The following PELI2 variants were observed in gnomAD, a reference collection of about 807,000 sequenced individuals.
PELI2 encodes the protein E3 ubiquitin-protein ligase pellino homolog 2.
In PELI2, 23 loss-of-function variants were observed where a neutral mutation model predicts 42.3. The observed-to-expected ratio is 0.54, with a 90% CI of 0.39 to 0.77. The LOEUF (loss-of-function observed/expected upper bound fraction) is 0.77, where lower values mean the gene tolerates loss of function less well. Among genes scored for constraint, PELI2 ranks in the 30% least tolerant of loss-of-function variants. The pLI, the probability that PELI2 is intolerant of heterozygous loss-of-function variation, is 0.00. For missense variants in PELI2, 463 were observed against 553.2 expected (o/e 0.84, Z 1.64); for synonymous variants, 245 against 212.2 (o/e 1.15, Z -1.34).
chr14:56,169,417 C>T (rs11628589), intron 1 of PELI2, among the ~76,000 whole-genome samples: 352 of 152,312 alleles, frequency 2.3e-3, no homozygotes, highest in Middle Eastern at 0.01. Flanking sequence ...AATGCTCCCT[C>T]CGTGGTTGGG....
chr14:56,184,518 AT>A (rs1885699448), intron 2 of PELI2, among the ~76,000 whole-genome samples: 1 of 152,066 alleles, frequency 6.6e-6, no homozygotes, highest in African/African-American at 2.4e-5. Context: ...AACTTGGCTA[AT>A]TGTTGTTTTC....
intron 1 of PELI2, among the ~76,000 whole-genome samples, chr14:56,158,862 A>G (rs957413788): frequency 6.6e-6 from 1 of 152,232 alleles, no homozygotes; most frequent in African/African-American, 2.4e-5. Context: ...TTTATTGGAA[A>G]GAAAAATAAA....
chr14:56,119,682 A>C, intron 1 of PELI2: 1 of 752,822 alleles, frequency 1.3e-6, no homozygotes, highest in Non-Finnish European at 1.6e-6. Context: ...AAAACTGGAT[A>C]TAGTGGGCAG....
At chr14:56,212,780 GGC>G (rs1168996345) in intron 2 of PELI2, among the ~76,000 whole-genome samples, 2 of 152,148 alleles carry the variant, frequency 1.3e-5, no homozygotes, top group Non-Finnish European at 2.9e-5. Flanking sequence ...CTGGAGGCTG[GGC>G]CAGGACAGGG....
rs548425433 is a variant in PELI2, at chr14:56,149,615, T to A, written c.78-28720T>A. ...CCTTTTACTTTTTTTTTTTCTTTTT[T>A]AAAACTACATCACAGTGTGAAATCT... is the stretch of plus-strand genomic sequence containing the variant. On this transcript the variant is annotated intron_variant, in intron 1 of 5. Coordinates refer to ENST00000267460, the MANE Select transcript of PELI2 (RefSeq NM_021255.3). 2.6e-5 allele frequency among the ~76,000 whole-genome samples: 4 copies of A among 152,274 alleles called. No individual in the cohort carries two copies. In the East Asian group the frequency reaches 5.8e-4, roughly 22 times the overall value.
intron 2 of PELI2, among the ~76,000 whole-genome samples, chr14:56,260,745 A>G (rs1415180715): frequency 1.3e-5 from 2 of 152,112 alleles, no homozygotes; most frequent in African/African-American, 4.8e-5. Flanking sequence ...AAGCGAACAC[A>G]CTCTTTTTCT....
chr14:56,181,601 C>T (rs1183329129), intron 2 of PELI2, among the ~76,000 whole-genome samples: 1 of 152,096 alleles, frequency 6.6e-6, no homozygotes, highest in Non-Finnish European at 1.5e-5. Context: ...CTTCCCTCCA[C>T]CACAACAATC....
rs896023291 is a variant in PELI2 at position 56,124,868 on chromosome 14, A to G, written c.77+6131A>G. On this transcript the variant is annotated intron_variant, in intron 1 of 5. Coordinates refer to ENST00000267460, the MANE Select transcript of PELI2 (RefSeq NM_021255.3). ...TTTGAGGAACAGAGAAACACTCTTT[A>G]TGGCTAGGAAAGAATGATTGAATGA... 1.8e-4 allele frequency among the ~76,000 whole-genome samples: 28 copies of G among 152,210 alleles called. 1 individual carries two copies. Among genetic ancestry groups the G allele is most frequent in the Non-Finnish European group, 3.7e-4 (25 of 68,030 alleles).
At chr14:56,247,475 A>G (rs766926820) in intron 2 of PELI2, among the ~76,000 whole-genome samples, 1 of 152,192 alleles carries the variant, frequency 6.6e-6, no homozygotes, top group Admixed American at 6.5e-5. Flanking sequence ...GAACCTACAC[A>G]TATAAATGTA....
intron 1 of PELI2, among the ~76,000 whole-genome samples, chr14:56,155,644 C>A (rs564658203): frequency 6.0e-5 from 9 of 150,514 alleles, no homozygotes; most frequent in Non-Finnish European, 2.9e-5. Flanking sequence ...TGCAGTGGCG[C>A]GATCTCGGCT....
At chr14:56,253,352 G>A (rs80115656) in intron 2 of PELI2, among the ~76,000 whole-genome samples, 2 of 152,136 alleles carry the variant, frequency 1.3e-5, no homozygotes, top group Non-Finnish European at 2.9e-5. Context: ...TCTGTCCAGG[G>A]CAATCAGGCA....
At chr14:56,217,169 G>A (rs1479745) in intron 2 of PELI2, among the ~76,000 whole-genome samples, 60,832 of 152,002 alleles carry the variant, frequency 0.4, 13,024 homozygotes, top group South Asian at 0.53. Flanking sequence ...AGGCCAAAAT[G>A]TTAGCTGTGT....
chr14:56,148,516 T>G (rs1351712278), intron 1 of PELI2, among the ~76,000 whole-genome samples: 3 of 152,210 alleles, frequency 2.0e-5, no homozygotes, highest in African/African-American at 7.2e-5. Context: ...TGCTCTTGCT[T>G]CCAGGCCTTT....
chr14:56,284,686 A>G (rs953500243), intron 3 of PELI2, among the ~76,000 whole-genome samples: 1 of 152,322 alleles, frequency 6.6e-6, no homozygotes, highest in East Asian at 1.9e-4. Context: ...ACCATTGTAC[A>G]TGAGCATGCA....
chr14:56,266,738 C>T (rs1183721078), intron 2 of PELI2, among the ~76,000 whole-genome samples: 1 of 151,986 alleles, frequency 6.6e-6, no homozygotes, highest in Non-Finnish European at 1.5e-5. Flanking sequence ...AATTTTGTTT[C>T]TAGGAATTTG....
At chr14:56,170,143 G>A (rs1472832731) in intron 1 of PELI2, among the ~76,000 whole-genome samples, 2 of 152,094 alleles carry the variant, frequency 1.3e-5, no homozygotes, top group Admixed American at 1.3e-4. Flanking sequence ...GTGATTTGTT[G>A]GTGCAAGTGA....
At chr14:56,274,700 C>A (rs1480842308) in intron 2 of PELI2, among the ~76,000 whole-genome samples, 1 of 152,208 alleles carries the variant, frequency 6.6e-6, no homozygotes, top group Non-Finnish European at 1.5e-5. Context: ...GTTCTCATCC[C>A]TGAATGGCAA....
intron 1 of PELI2, among the ~76,000 whole-genome samples, chr14:56,121,148 A>G (rs1206243338): frequency 2.0e-5 from 3 of 152,118 alleles, no homozygotes; most frequent in Non-Finnish European, 4.4e-5. Context: ...GAAAATTTCA[A>G]GTAGATTTTC....
At chr14:56,231,748 T>C (rs1887580763) in intron 2 of PELI2, among the ~76,000 whole-genome samples, 1 of 151,990 alleles carries the variant, frequency 6.6e-6, no homozygotes, top group Non-Finnish European at 1.5e-5. Context: ...AGGCAAGAAA[T>C]AACTAAGATC....
Sources: gnomAD v4.1 joint callset for allele counts (sites outside exome capture counted in the v4.1 genomes callset) on GRCh38, gnomAD v4.1.1 for gene constraint, MANE v1.5 for transcripts, NCBI Gene and HGNC (gene_info 2026-07-23, HGNC 2026-07-21) for gene names.